The following ADAMTSL1 variants were observed in gnomAD, a reference collection of about 807,000 sequenced individuals.
ADAMTSL1 encodes the protein ADAMTS like 1, also known as ADAMTS-like protein 1.
ADAMTSL1 carries 126 observed loss-of-function variants against 201.8 expected under a neutral mutation model. The observed-to-expected ratio is 0.62, with a 90% CI of 0.54 to 0.72. The LOEUF is 0.72. Ranked by LOEUF, ADAMTSL1 falls within the 30% of genes least tolerant of loss-of-function variation. The pLI, the probability that ADAMTSL1 is intolerant of heterozygous loss-of-function variation, is 0.00. For missense variants in ADAMTSL1, 2,679 were observed against 2,277.8 expected, an observed-to-expected ratio of 1.18 and a Z score of -3.59; for synonymous variants, 1,121 against 903.4, an observed-to-expected ratio of 1.24 and a Z score of -4.32.
At position 18,777,661 on chromosome 9, in the gene ADAMTSL1, C is replaced by T; in HGVS notation, c.3432C>T (p.Ser1144=). The T allele has an allele frequency of 6.2e-7, 1 of 1,613,682 alleles. No individual in the cohort carries two copies. ...AACACGTGTCTGGCTTCAGCAGCTC[C>T]CTGCGGACCTCCTCCACCGGGGACG... is the stretch of plus-strand genomic sequence containing the variant. The part of the protein sequence containing the change: ...PHKHVSGFSS[S]LRTSSTGDAG... The change falls in exon 19 of 29, where the codon TCC becomes TCT. Residue 1144 remains serine (S), a synonymous_variant. Coordinates refer to ENST00000380548, the MANE Select transcript of ADAMTSL1 (RefSeq NM_001040272.6).
intron 1 of ADAMTSL1, among the ~76,000 whole-genome samples, chr9:18,079,726 TA>T (rs1241533263): frequency 7.1e-6 from 1 of 141,844 alleles, no homozygotes; most frequent in Non-Finnish European, 1.5e-5. Context: ...AATAAATAAA[TA>T]AAATAAAAAA....
At chr9:18,481,242 C>A (rs1563986311) in intron 1 of ADAMTSL1, among the ~76,000 whole-genome samples, 1 of 152,134 alleles carries the variant, frequency 6.6e-6, no homozygotes, top group Non-Finnish European at 1.5e-5. Flanking sequence ...GTCTGAGTGC[C>A]ATGAAAGAAC....
intron 24 of ADAMTSL1, among the ~76,000 whole-genome samples, chr9:18,889,269 C>T (rs1169510241): frequency 1.3e-5 from 2 of 152,198 alleles, no homozygotes; most frequent in East Asian, 1.9e-4. Flanking sequence ...ATTAATTGTG[C>T]ACTCTTTTAT....
chr9:18,210,493 A>G (rs1007952236), intron 2 of ADAMTSL1, among the ~76,000 whole-genome samples: 2 of 147,438 alleles, frequency 1.4e-5, no homozygotes, highest in Admixed American at 1.4e-4. Context: ...ATAAATATAT[A>G]TTAATTATAT....
intron 2 of ADAMTSL1, among the ~76,000 whole-genome samples, chr9:18,456,626 G>T (rs972660180): frequency 2.0e-5 from 3 of 152,032 alleles, no homozygotes; most frequent in African/African-American, 7.2e-5. Context: ...CTTTTTATTC[G>T]ATTACCACAT....
intron 2 of ADAMTSL1, among the ~76,000 whole-genome samples, chr9:18,373,005 T>C (rs1837116359): frequency 1.3e-5 from 2 of 152,200 alleles, no homozygotes; most frequent in Non-Finnish European, 2.9e-5. Flanking sequence ...GAGGCTGGTA[T>C]CAGGGAAAGC....
intron 2 of ADAMTSL1, among the ~76,000 whole-genome samples, chr9:18,348,779 T>C (rs1835837212): frequency 6.6e-6 from 1 of 152,160 alleles, no homozygotes; most frequent in Non-Finnish European, 1.5e-5. Context: ...AACCTCAAAG[T>C]AGGTTCAATG....
intron 2 of ADAMTSL1, among the ~76,000 whole-genome samples, chr9:18,288,825 G>C (rs544197092): frequency 1.3e-5 from 2 of 152,296 alleles, no homozygotes; most frequent in African/African-American, 4.8e-5. Context: ...GAAACAAAGA[G>C]TATGATCTAA....
intron 2 of ADAMTSL1, among the ~76,000 whole-genome samples, chr9:18,385,354 G>A (rs1485300200): frequency 6.6e-6 from 1 of 151,992 alleles, no homozygotes; most frequent in Non-Finnish European, 1.5e-5. Context: ...TTGAGGGTAG[G>A]GGTGGTGTTA....
intron 1 of ADAMTSL1, among the ~76,000 whole-genome samples, chr9:18,162,246 T>A (rs1827422204): frequency 6.6e-6 from 1 of 152,054 alleles, no homozygotes; most frequent in Non-Finnish European, 1.5e-5. Context: ...AAGTCCTTGT[T>A]ACACTTTAAA....
At chr9:18,600,806 A>C (rs1396382919) in intron 4 of ADAMTSL1, among the ~76,000 whole-genome samples, 3 of 152,208 alleles carry the variant, frequency 2.0e-5, no homozygotes, top group Non-Finnish European at 4.4e-5. Flanking sequence ...AATCTAAAGA[A>C]ACAAAAATAT....
At chr9:18,240,223 C>T (rs532244743) in intron 2 of ADAMTSL1, among the ~76,000 whole-genome samples, 2 of 152,196 alleles carry the variant, frequency 1.3e-5, no homozygotes, top group South Asian at 4.2e-4. Context: ...AATCCGTGGG[C>T]TACAGAATGG....
intron 2 of ADAMTSL1, among the ~76,000 whole-genome samples, chr9:18,458,120 T>C (rs1820676549): frequency 6.6e-6 from 1 of 152,206 alleles, no homozygotes; most frequent in Non-Finnish European, 1.5e-5. Context: ...GGGATGCCCA[T>C]AGGATGTTCA....
chr9:17,969,337 T>C (rs1187705883), intron 1 of ADAMTSL1, among the ~76,000 whole-genome samples: 5 of 152,024 alleles, frequency 3.3e-5, no homozygotes, highest in Admixed American at 1.3e-4. Flanking sequence ...GTGAGTACAA[T>C]GTGACAATGC....
chr9:18,471,730 C>T (rs1821221481), upstream of ADAMTSL1, among the ~76,000 whole-genome samples: 1 of 152,144 alleles, frequency 6.6e-6, no homozygotes, highest in African/African-American at 2.4e-5. Context: ...GTGTGGTGGG[C>T]ATCCTCCAGG....
chr9:18,787,354 A>G (rs1183746628), intron 19 of ADAMTSL1, among the ~76,000 whole-genome samples: 1 of 152,200 alleles, frequency 6.6e-6, no homozygotes, highest in Non-Finnish European at 1.5e-5. Flanking sequence ...GGTGAAGAGC[A>G]CTGGAGGATA....
chr9:18,440,647 CT>C (rs1223834659), intron 2 of ADAMTSL1, among the ~76,000 whole-genome samples: 1 of 150,938 alleles, frequency 6.6e-6, no homozygotes, highest in Non-Finnish European at 1.5e-5. Flanking sequence ...TCAAATACTT[CT>C]TTTTTATAAG....
At chr9:18,401,738 T>A (rs1170849360) in intron 2 of ADAMTSL1, among the ~76,000 whole-genome samples, 1 of 152,220 alleles carries the variant, frequency 6.6e-6, no homozygotes, top group East Asian at 1.9e-4. Flanking sequence ...CATATTGATA[T>A]ATTACCTTTA....
chr9:18,309,096 C>T (rs1272340174), intron 2 of ADAMTSL1, among the ~76,000 whole-genome samples: 1 of 152,156 alleles, frequency 6.6e-6, no homozygotes, highest in Admixed American at 6.5e-5. Flanking sequence ...ACATGATTAT[C>T]TCAATAGATG....
Sources: gnomAD v4.1 joint callset for allele counts (sites outside exome capture counted in the v4.1 genomes callset) on GRCh38, gnomAD v4.1.1 for gene constraint, MANE v1.5 for transcripts, NCBI Gene and HGNC (gene_info 2026-07-23, HGNC 2026-07-21) for gene names.